Variants in CACNA1S observed in about 807,000 individuals in gnomAD.
CACNA1S encodes voltage-dependent L-type calcium channel subunit alpha-1S.
Under a neutral mutation model 207.4 loss-of-function variants are expected in CACNA1S, and 126 were observed. The observed-to-expected ratio is 0.61, with a 90% confidence interval of 0.53 to 0.70. CACNA1S has a LOEUF of 0.70. Among genes scored for constraint, CACNA1S ranks in the 30% least tolerant of loss-of-function variants. The pLI, the probability that CACNA1S is intolerant of heterozygous loss-of-function variation, is 0.00. For missense variants in CACNA1S, 2,349 were observed against 2,422.8 expected (o/e 0.97, Z 0.64); for synonymous variants, 960 against 932.7 (o/e 1.03, Z -0.53).
Position 201,040,261 on chromosome 1 carries a change from T to C in CACNA1S, c.5340A>G (p.Ser1780=), listed in dbSNP as rs1430395487. The C allele has an allele frequency of 1.2e-6, 2 of 1,613,722 alleles. No homozygotes were observed. Among genetic ancestry groups the C allele is most frequent in the South Asian group, 1.1e-5 (1 of 91,058 alleles). Residue 1780 remains serine, a synonymous_variant, in exon 43 of 44, where the codon TCA becomes TCG. Transcript: ENST00000362061. The part of the protein sequence containing the change: ...RSTRENTSRC[S]APATALLIQK... ...GGATCAGCAGGGCTGTAGCTGGTGC[T>C]GAGCACCTGGAAGTATTCTCCCTGG...
chr1:201,065,847 C>G lies in CACNA1S; in HGVS notation c.2844G>C (p.Gln948His). Residue 948 changes from glutamine (Q) to histidine (H), a missense_variant, in exon 22 of 44, where the codon CAG becomes CAC. Physicochemically the swap from Gln to His is conservative, Grantham distance 24. Transcript: ENST00000362061. ...LQFMFACIGVQLFKGKFFRCT... is the reference protein window; with the variant it reads ...LQFMFACIGVHLFKGKFFRCT... Reference sequence around the variant, plus strand: ...GCAGGCTGGGGCTCACCTTGAAGAGCTGGACGCCGATGCAGGCAAACATGA... The same window carrying G: ...GCAGGCTGGGGCTCACCTTGAAGAGGTGGACGCCGATGCAGGCAAACATGA... The G allele has an allele frequency of 6.2e-7, 1 of 1,613,568 alleles. No homozygotes were observed.
chr1:201,046,332 C>A (rs907574271), intron 38 of CACNA1S, among the ~76,000 whole-genome samples: 1 of 152,120 alleles, frequency 6.6e-6, no homozygotes, highest in African/African-American at 2.4e-5. Context: ...CAAGCGTATG[C>A]CACCATGCCC....
chr1:201,053,111 G>T lies in CACNA1S; in HGVS notation c.3861+98C>A. On this transcript the variant is annotated intron_variant, in intron 31 of 43. Coordinates refer to ENST00000362061, the MANE Select transcript of CACNA1S (RefSeq NM_000069.3). The surrounding 1 kb of genome is among the most constrained non-coding windows in gnomAD (Gnocchi z 5.1). Reference sequence around the variant, plus strand: ...ACGAGCAAGGCAGGGAGGGCGGAGGGTCCAGCCCGTGTGCTGCTCAGGCTC... The same window carrying T: ...ACGAGCAAGGCAGGGAGGGCGGAGGTTCCAGCCCGTGTGCTGCTCAGGCTC... 7.4e-7 allele frequency: 1 copy of T among 1,349,928 alleles called. No homozygotes were observed. Among genetic ancestry groups the T allele is most frequent in the Non-Finnish European group, 1.1e-6 (1 of 938,982 alleles). The allele number at this position is 1,349,928 out of a possible 1,614,324, so 83.6% of individuals were successfully genotyped here.
chr1:201,083,329 G>C lies in CACNA1S; in HGVS notation c.1233-7C>G. The C allele has an allele frequency of 1.2e-6, 2 of 1,614,032 alleles. No individual in the cohort carries two copies. The highest frequency in any genetic ancestry group is 1.7e-6 in the Non-Finnish European group (2 of 1,179,880). ...CCACTGCCTCCAATGTCGGCTGAGG[G>C]AGGGGACAGAGGATGGTCTACAGTG... On this transcript the variant is annotated splice_region_variant and splice_polypyrimidine_tract_variant and intron_variant, in intron 9 of 43. Transcript: ENST00000362061.
Position 201,048,473 on chromosome 1 carries a change from C to T in CACNA1S, c.4441+109G>A, listed in dbSNP as rs1412590623. ...ATGGCCTGGGGTCCTCCCTCTACTT[C>T]TTCCCACAGTTCTTAAGAGCAATCT... On this transcript the variant is annotated intron_variant, in intron 36 of 43. Coordinates refer to ENST00000362061, the MANE Select transcript of CACNA1S (RefSeq NM_000069.3). The T allele has an allele frequency of 1.0e-5, 10 of 965,600 alleles. No homozygotes were observed. In the African/African-American group the frequency reaches 1.3e-4, roughly 12 times the overall value. 59.8% of individuals were successfully genotyped at this position (965,600 alleles called of 1,614,324 possible). A position where few individuals can be genotyped will look rare whatever the true frequency, so the allele number is the denominator to read the frequency against.
Position 201,040,242 on chromosome 1 carries a change from G to A in CACNA1S, c.5359C>T (p.Leu1787=), listed in dbSNP as rs1572011520. ...SRCSAPATAL[L]IQKALVRGGL... is the part of the protein sequence containing the mutation. ...AGCCCCTGGCTCACCTTTTGGATCAGCAGGGCTGTAGCTGGTGCTGAGCAC... is the reference window on the plus strand; with the variant it reads ...AGCCCCTGGCTCACCTTTTGGATCAACAGGGCTGTAGCTGGTGCTGAGCAC... Residue 1787 remains leucine (L), a synonymous_variant, in exon 43 of 44, where the codon CTG becomes TTG. Transcript: ENST00000362061. The A allele has an allele frequency of 6.2e-7, 1 of 1,613,550 alleles. No individual in the cohort carries two copies. Among genetic ancestry groups the A allele is most frequent in the Non-Finnish European group, 8.5e-7 (1 of 1,180,014 alleles).
intron 16 of CACNA1S, among the ~76,000 whole-genome samples, chr1:201,071,303 AT>A (rs147396446): frequency 2.0e-5 from 3 of 151,374 alleles, no homozygotes; most frequent in Admixed American, 2.0e-4. Flanking sequence ...TCACATTCCA[AT>A]TTTTCTGTTC....
At position 201,068,280 on chromosome 1, in the gene CACNA1S, T is replaced by C. The variant is rs1258393418; in HGVS notation, c.2550+857A>G. ...TTTTTTTGAGATGGAGTCTCTCTCGTCACCCAGGCTGGAGTGCAGTGGCAT... is the reference window on the plus strand; with the variant it reads ...TTTTTTTGAGATGGAGTCTCTCTCGCCACCCAGGCTGGAGTGCAGTGGCAT... On this transcript the variant is annotated intron_variant, in intron 19 of 43. Transcript: ENST00000362061. Among the ~76,000 whole-genome samples the C allele has an allele frequency of 2.5e-5, 3 of 120,500 alleles. No individual in the cohort carries two copies. In the Admixed American group the frequency reaches 3.1e-4, roughly 13 times the overall value. 79.1% of individuals were successfully genotyped at this position (120,500 alleles called of 152,430 possible). A position where few individuals can be genotyped will look rare whatever the true frequency, so the allele number is the denominator to read the frequency against.
intron 10 of CACNA1S, among the ~76,000 whole-genome samples, chr1:201,082,438 A>G (rs1439396040): frequency 6.6e-6 from 1 of 152,148 alleles, no homozygotes; most frequent in Non-Finnish European, 1.5e-5. Context: ...GGCTTCCTGA[A>G]TTTACTAAAC....
At chr1:201,107,941 AC>A (rs1392620855) in intron 2 of CACNA1S, among the ~76,000 whole-genome samples, 2 of 152,128 alleles carry the variant, frequency 1.3e-5, no homozygotes, top group East Asian at 3.8e-4. Context: ...TAGGTTTCCG[AC>A]TTGCAGGGAA....
chr1:201,092,691 G>T (rs779226735), intron 3 of CACNA1S, among the ~76,000 whole-genome samples: 1 of 152,166 alleles, frequency 6.6e-6, no homozygotes, highest in Non-Finnish European at 1.5e-5. Flanking sequence ...ACAACAATGC[G>T]CTGTGAGGTA....
Position 201,074,510 on chromosome 1 carries a change from A to G in CACNA1S, c.2059T>C (p.Ser687Pro). 1 of 1,605,754 alleles carries G rather than the reference A, an allele frequency of 6.2e-7. No individual in the cohort carries two copies. Residue 687 changes from serine (S) to proline (P), a missense_variant, in exon 14 of 44, where the codon TCC (serine) becomes CCC (proline). By Grantham distance (74) the Ser-to-Pro change is moderately conservative (BLOSUM62 -1). Coordinates refer to ENST00000362061, the MANE Select transcript of CACNA1S (RefSeq NM_000069.3). Reference protein sequence around the residue: ...KAEEKKRRKMSKGLPDKSEEE... With the variant: ...KAEEKKRRKMPKGLPDKSEEE... ...TCCTGCTAAGGAAGCACTCACTTGG[A>G]CATCTTCCTGCGTTTTTTCTCCTCA...
chr1:201,090,729 C>T (rs939481634), intron 5 of CACNA1S, among the ~76,000 whole-genome samples: 1 of 152,140 alleles, frequency 6.6e-6, no homozygotes, highest in Non-Finnish European at 1.5e-5. Flanking sequence ...CTCTCATTCT[C>T]TCAACAATGT....
Position 201,085,468 on chromosome 1 carries a change from C to T in CACNA1S, c.1118G>A (p.Gly373Asp). ...LRGYMSWITQ[G>D]EVMDVEDFRE... ...GAAGTCCTCAACATCCATGACCTCGCCCTGCGTGATCCAGCTCATGTAGCC... is the reference window on the plus strand; with the variant it reads ...GAAGTCCTCAACATCCATGACCTCGTCCTGCGTGATCCAGCTCATGTAGCC... The change falls in exon 8 of 44, where the codon GGC becomes GAC. Residue 373 changes from glycine to aspartate, a missense_variant. Gly to Asp is a moderately conservative substitution (Grantham distance 94). Transcript: ENST00000362061. 2.5e-6 allele frequency: 4 copies of T among 1,613,406 alleles called. No individual in the cohort carries two copies. The highest frequency in any genetic ancestry group is 3.4e-6 in the Non-Finnish European group (4 of 1,179,954).
At chr1:201,058,878 C>T (rs139880187) in intron 27 of CACNA1S, among the ~76,000 whole-genome samples, 32 of 152,278 alleles carry the variant, frequency 2.1e-4, no homozygotes, top group African/African-American at 7.5e-4. Context: ...GACTTGAGAA[C>T]GAAAGAGACA....
intron 3 of CACNA1S, among the ~76,000 whole-genome samples, 193 bp downstream of exon 3, chr1:201,093,689 G>A (rs1181846185): frequency 6.6e-6 from 1 of 152,174 alleles, no homozygotes; most frequent in African/African-American, 2.4e-5. Context: ...GGGCAGGGTC[G>A]GGGGCAATGA....
intron 10 of CACNA1S, among the ~76,000 whole-genome samples, chr1:201,079,894 A>G (rs1358708764): frequency 6.6e-6 from 1 of 152,096 alleles, no homozygotes; most frequent in Non-Finnish European, 1.5e-5. Context: ...TGGACTGATC[A>G]CCCTGGCATT....
rs1322673566 is a variant in CACNA1S, at chr1:201,072,831, G to A, written c.2158-7C>T. 4 of 1,610,826 alleles carry A rather than the reference G, an allele frequency of 2.5e-6. No individual in the cohort carries two copies. The South Asian group carries it at 3.3e-5, about 13-fold the overall frequency. ...CAAACTCATCGATTTTCAGCTGTAGGAAGGAACACAATGACTATAACAATG... is the reference window on the plus strand; with the variant it reads ...CAAACTCATCGATTTTCAGCTGTAGAAAGGAACACAATGACTATAACAATG... On this transcript the variant is annotated splice_polypyrimidine_tract_variant and splice_region_variant and intron_variant, in intron 15 of 43. Coordinates refer to ENST00000362061, the MANE Select transcript of CACNA1S (RefSeq NM_000069.3).
At chr1:201,105,014 T>C (rs1662824868) in intron 2 of CACNA1S, among the ~76,000 whole-genome samples, 1 of 152,258 alleles carries the variant, frequency 6.6e-6, no homozygotes. Flanking sequence ...ACTGACAATA[T>C]GCAAGTAATC....
Sources: allele counts gnomAD v4.1 joint callset (sites outside exome capture counted in the v4.1 genomes callset), GRCh38; gene constraint gnomAD v4.1.1; non-coding constraint Gnocchi (gnomAD v3.1); transcripts MANE v1.5; gene names NCBI Gene and HGNC (gene_info 2026-07-23, HGNC 2026-07-21).